CNTNAP2: variants seen among roughly 807,000 people sequenced by gnomAD.
The protein encoded by CNTNAP2 is contactin-associated protein-like 2.
Under a neutral mutation model 155.2 loss-of-function variants are expected in CNTNAP2, and 98 were observed. That is an observed-to-expected ratio of 0.63 (90% CI 0.54 to 0.75). The LOEUF (loss-of-function observed/expected upper bound fraction) is 0.75. CNTNAP2 is among the 30% of genes least tolerant of loss of function. CNTNAP2 has a pLI of 0.00. For synonymous variants in CNTNAP2, 651 were observed against 631.2 expected (o/e 1.03, Z -0.47); for missense variants, 1,727 against 1,688.1 (o/e 1.02, Z -0.40).
In CNTNAP2 at chr7:147,908,347, G is replaced by A. The variant is rs1408058942; in HGVS notation, c.2255+4626G>A. 2.6e-5 allele frequency among the ~76,000 whole-genome samples: 4 copies of A among 152,188 alleles called. No individual in the cohort carries two copies. The East Asian group carries it at 5.8e-4, about 22-fold the overall frequency. ...TCCGCTGAATGCACCAAGGGCATTCGTTACCAGGAAGCCCCTGCTTCTCTC... is the reference window on the plus strand; with the variant it reads ...TCCGCTGAATGCACCAAGGGCATTCATTACCAGGAAGCCCCTGCTTCTCTC... On this transcript the variant is annotated intron_variant, in intron 14 of 23. Transcript: ENST00000361727.
rs1448664418 is a variant in CNTNAP2 at position 146,263,240 on chromosome 7, A to T, written c.97+146267A>T. Among the ~76,000 whole-genome samples the T allele has an allele frequency of 2.0e-5, 3 of 149,458 alleles. No individual in the cohort carries two copies. In the South Asian group the frequency reaches 6.5e-4, roughly 33 times the overall value. On this transcript the variant is annotated intron_variant, in intron 1 of 23. Coordinates refer to ENST00000361727, the MANE Select transcript of CNTNAP2 (RefSeq NM_014141.6). ...AGGCTGAGGCAAGAGAATCCCTTGA[A>T]GGAAAGGAGGGAGGGAGTGAGCGAG...
chr7:147,777,318 C>T (rs1797599415), intron 13 of CNTNAP2, among the ~76,000 whole-genome samples: 2 of 152,090 alleles, frequency 1.3e-5, no homozygotes, highest in Admixed American at 1.3e-4. Flanking sequence ...AATAAGTTCA[C>T]CTTGTCCTTA....
rs566595987 is a variant in CNTNAP2 at position 146,419,998 on chromosome 7, TA to T, written c.97+303032del. On this transcript the variant is annotated intron_variant, in intron 1 of 23. Transcript: ENST00000361727. Reference sequence around the variant, plus strand: ...TAAGGCCTGCAAAAGTCTTTCCATATAAAAAAAGGAAATACTTTATTGACAG... The same window carrying T: ...TAAGGCCTGCAAAAGTCTTTCCATATAAAAAAGGAAATACTTTATTGACAG... 5.3e-5 allele frequency among the ~76,000 whole-genome samples: 8 copies of T among 152,174 alleles called. No individual in the cohort carries two copies. The East Asian group carries it at 7.7e-4, about 15-fold the overall frequency.
chr7:148,288,737 C>G (rs1293909955), intron 21 of CNTNAP2, among the ~76,000 whole-genome samples: 1 of 151,706 alleles, frequency 6.6e-6, no homozygotes, highest in African/African-American at 2.4e-5. Flanking sequence ...CAAACATAGC[C>G]AGTTAATTTA....
intron 3 of CNTNAP2, among the ~76,000 whole-genome samples, chr7:147,026,660 C>T (rs1798926427): frequency 6.6e-6 from 1 of 150,878 alleles, no homozygotes. Flanking sequence ...ATCATGCCTA[C>T]GTTTCTCCTG....
chr7:146,879,767 T>C (rs1317251926), intron 3 of CNTNAP2, among the ~76,000 whole-genome samples: 1 of 152,066 alleles, frequency 6.6e-6, no homozygotes, highest in Non-Finnish European at 1.5e-5. Context: ...TTTTTCTTTA[T>C]AATAATAAAG....
chr7:146,943,995 G>A (rs1231079291), intron 3 of CNTNAP2, among the ~76,000 whole-genome samples: 1 of 151,748 alleles, frequency 6.6e-6, no homozygotes, highest in Non-Finnish European at 1.5e-5. Flanking sequence ...ATTTAATACT[G>A]CACCTTTACT....
In CNTNAP2 at chr7:148,415,985, G is replaced by C. The variant is rs1267020409; in HGVS notation, c.*369G>C. On this transcript the variant is annotated 3_prime_UTR_variant, in exon 24 of 24. Coordinates refer to ENST00000361727, the MANE Select transcript of CNTNAP2 (RefSeq NM_014141.6). ...CTACGTTTTTAAGAGCCCTTAGAAC[G>C]TGGGTATTTTTTTTCTTGAGAAAAG... 1.2e-5 allele frequency: 3 copies of C among 255,124 alleles called. No individual in the cohort carries two copies. The highest frequency in any genetic ancestry group is 6.7e-5 in the African/African-American group (3 of 44,612). The allele number at this position is 255,124 out of a possible 1,614,324, so 15.8% of individuals were successfully genotyped here.
chr7:147,043,117 TGA>T (rs1799289932), intron 3 of CNTNAP2, among the ~76,000 whole-genome samples: 1 of 152,182 alleles, frequency 6.6e-6, no homozygotes, highest in Non-Finnish European at 1.5e-5. Flanking sequence ...GGTAATTTTT[TGA>T]GAGTCGAGTC....
At chr7:148,122,474 C>A (rs1161454877) in intron 16 of CNTNAP2, among the ~76,000 whole-genome samples, 1 of 152,106 alleles carries the variant, frequency 6.6e-6, no homozygotes, top group African/African-American at 2.4e-5. Flanking sequence ...TTCAGGATAA[C>A]ACCAAATGAA....
intron 4 of CNTNAP2, among the ~76,000 whole-genome samples, chr7:147,089,705 T>G (rs762446722): frequency 2.1e-4 from 32 of 152,300 alleles, no homozygotes; most frequent in Non-Finnish European, 4.4e-4. Flanking sequence ...GCCAACCAGG[T>G]GTTATGACAC....
intron 13 of CNTNAP2, among the ~76,000 whole-genome samples, chr7:147,881,229 A>G (rs1213329916): frequency 6.6e-6 from 1 of 152,210 alleles, no homozygotes; most frequent in Admixed American, 6.5e-5. Flanking sequence ...GAGTGAAACC[A>G]TTGGAATTGA....
At chr7:148,415,137 C>CT (rs1799950577) in intron 23 of CNTNAP2, among the ~76,000 whole-genome samples, 1 of 152,180 alleles carries the variant, frequency 6.6e-6, no homozygotes, top group Admixed American at 6.5e-5. Flanking sequence ...ATCATGGTTC[C>CT]TTTCTGCCTG....
At chr7:147,134,457 C>T (rs570795539) in intron 8 of CNTNAP2, among the ~76,000 whole-genome samples, 15 of 151,268 alleles carry the variant, frequency 9.9e-5, no homozygotes, top group Middle Eastern at 7.0e-3. Flanking sequence ...GTAGTATTAC[C>T]CTTCTATAAT....
intron 20 of CNTNAP2, among the ~76,000 whole-genome samples, chr7:148,230,496 A>T (rs986508044): frequency 5.9e-5 from 9 of 152,180 alleles, no homozygotes; most frequent in Non-Finnish European, 1.2e-4. Context: ...TTCAAAATAG[A>T]TGCCTGTCAG....
chr7:147,688,684 G>GCCC (rs1796048860), intron 13 of CNTNAP2, among the ~76,000 whole-genome samples: 1 of 152,190 alleles, frequency 6.6e-6, no homozygotes, highest in African/African-American at 2.4e-5. Context: ...ACCAGGTTGA[G>GCCC]CATGTATCAT....
At chr7:146,457,755 G>T (rs1036048405) in intron 1 of CNTNAP2, among the ~76,000 whole-genome samples, 1 of 151,056 alleles carries the variant, frequency 6.6e-6, no homozygotes, top group Non-Finnish European at 1.5e-5. Context: ...CACCCACCTG[G>T]GTCTCCCAAA....
At chr7:147,762,208 A>T (rs1797314316) in intron 13 of CNTNAP2, among the ~76,000 whole-genome samples, 1 of 150,744 alleles carries the variant, frequency 6.6e-6, no homozygotes, top group South Asian at 2.1e-4. Context: ...CAACAGAAAC[A>T]ACATAAGAAA....
chr7:147,482,564 A>G (rs1798439960), intron 10 of CNTNAP2, among the ~76,000 whole-genome samples: 1 of 151,724 alleles, frequency 6.6e-6, no homozygotes, highest in African/African-American at 2.4e-5. Context: ...AAAAAATACA[A>G]AAAAATATTA....
Sources: gnomAD v4.1 joint callset for allele counts (sites outside exome capture counted in the v4.1 genomes callset) on GRCh38, gnomAD v4.1.1 for gene constraint, MANE v1.5 for transcripts, NCBI Gene and HGNC (gene_info 2026-07-23, HGNC 2026-07-21) for gene names.